Variants in ITPR1 observed in about 807,000 individuals in gnomAD.
ITPR1 encodes inositol 1,4,5-trisphosphate receptor type 1, also known as inositol 1,4,5-trisphosphate-gated calcium channel ITPR1.
ITPR1 carries 96 observed loss-of-function variants against 318.4 expected under a neutral mutation model. That is an observed-to-expected ratio of 0.30 (90% confidence interval 0.26 to 0.36). The LOEUF is 0.36. Ranked by LOEUF, ITPR1 falls within the 10% of genes least tolerant of loss-of-function variation. The pLI, the probability that ITPR1 is intolerant of heterozygous loss-of-function variation, is 1.00. For synonymous variants in ITPR1, 1,312 were observed against 1,289.9 expected, an observed-to-expected ratio of 1.02 and a Z score of -0.37; for missense variants, 2,440 against 3,460.2, an observed-to-expected ratio of 0.71 and a Z score of 7.40.
intron 4 of ITPR1, among the ~76,000 whole-genome samples, chr3:4,617,320 G>C (rs2092425179): frequency 6.6e-6 from 1 of 152,130 alleles, no homozygotes; most frequent in Non-Finnish European, 1.5e-5. Flanking sequence ...CCAATGTCAA[G>C]GTGCCAGCAG....
At chr3:4,730,459 G>T (rs2042850828) in intron 42 of ITPR1, among the ~76,000 whole-genome samples, 1 of 150,382 alleles carries the variant, frequency 6.6e-6, no homozygotes, top group Non-Finnish European at 1.5e-5. Context: ...ATTCTCTTAT[G>T]GGGGAAAATG....
chr3:4,780,928 G>C (rs1000291143), intron 49 of ITPR1, among the ~76,000 whole-genome samples: 2 of 152,234 alleles, frequency 1.3e-5, no homozygotes. Context: ...ACCGGCTCTT[G>C]GGCAGCCCCC....
rs112693174 is a variant in ITPR1 at position 4,657,386 on chromosome 3, GT to G, written c.997-728del. ...GCTCCTGCGGATGGATGTACCTAGA[GT>G]TTTTTTTTTGTTTTTTTTTTTTAAT... On this transcript the variant is annotated intron_variant, in intron 12 of 61. Coordinates refer to ENST00000649015, the MANE Select transcript of ITPR1 (RefSeq NM_001378452.1). Among the ~76,000 whole-genome samples the G allele has an allele frequency of 1.2e-4, 16 of 133,212 alleles. No homozygotes were observed. The South Asian group carries it at 2.3e-3, about 19-fold the overall frequency. The allele number at this position is 133,212 out of a possible 152,430, so 87.4% of individuals were successfully genotyped here. A position where few individuals can be genotyped will look rare whatever the true frequency, so the allele number is the denominator to read the frequency against.
At chr3:4,644,540 A>G (rs1335737413) in intron 8 of ITPR1, among the ~76,000 whole-genome samples, 4 of 152,192 alleles carry the variant, frequency 2.6e-5, no homozygotes, top group Admixed American at 2.0e-4. Context: ...TTTTCTGGCC[A>G]TAGGAGCACC....
chr3:4,677,695 G>C (rs1332961418), intron 24 of ITPR1, among the ~76,000 whole-genome samples: 1 of 152,202 alleles, frequency 6.6e-6, no homozygotes, highest in Non-Finnish European at 1.5e-5. Context: ...GAGAGCGATT[G>C]TTGGTAACAT....
chr3:4,586,430 G>C (rs994167211), intron 4 of ITPR1, among the ~76,000 whole-genome samples: 12 of 151,600 alleles, frequency 7.9e-5, no homozygotes, highest in African/African-American at 2.9e-4. Context: ...TCTGACTCTA[G>C]AAACGGCCTA....
rs982277022 is a variant in ITPR1, at chr3:4,619,868, C to G, written c.164-7895C>G. On this transcript the variant is annotated intron_variant, in intron 4 of 61. Coordinates refer to ENST00000649015, the MANE Select transcript of ITPR1 (RefSeq NM_001378452.1). ...TCCTTCTCTCTTTTCTCTTTTTCCT[C>G]TTCCCCTTCCATTTCTCTTTGTTTT... Among the ~76,000 whole-genome samples the G allele has an allele frequency of 2.1e-5, 3 of 142,954 alleles. No homozygotes were observed. In the Middle Eastern group the frequency reaches 0.011, roughly 537 times the overall value. The allele number at this position is 142,954 out of a possible 152,430, so 93.8% of individuals were successfully genotyped here. A position where few individuals can be genotyped will look rare whatever the true frequency, so the allele number is the denominator to read the frequency against.
intron 49 of ITPR1, among the ~76,000 whole-genome samples, chr3:4,781,388 T>G (rs951699077): frequency 6.6e-6 from 1 of 152,204 alleles, no homozygotes; most frequent in East Asian, 1.9e-4. Flanking sequence ...TGATAAGTGT[T>G]GGCCACACCC....
intron 4 of ITPR1, among the ~76,000 whole-genome samples, chr3:4,588,999 C>A (rs376482446): frequency 1.3e-5 from 2 of 152,146 alleles, no homozygotes; most frequent in African/African-American, 4.8e-5. Flanking sequence ...ACCATTGTTT[C>A]CCAGACTTCT....
chr3:4,637,092 A>G (rs1190491767), intron 5 of ITPR1, among the ~76,000 whole-genome samples: 2 of 152,244 alleles, frequency 1.3e-5, no homozygotes, highest in East Asian at 1.9e-4. Context: ...AGTCCAAGAA[A>G]TGCTACTTAA....
intron 4 of ITPR1, among the ~76,000 whole-genome samples, chr3:4,594,503 C>G (rs1388000327): frequency 6.6e-6 from 1 of 152,100 alleles, no homozygotes; most frequent in Non-Finnish European, 1.5e-5. Flanking sequence ...GCTGCGTGAT[C>G]GATGAGAGCC....
intron 40 of ITPR1, among the ~76,000 whole-genome samples, chr3:4,720,283 C>G (rs917544723): frequency 6.6e-6 from 1 of 152,158 alleles, no homozygotes. Flanking sequence ...CTGTGAGACA[C>G]ATTAGAAAGG....
intron 44 of ITPR1, among the ~76,000 whole-genome samples, chr3:4,747,507 T>C (rs1036164951): frequency 6.6e-6 from 1 of 152,226 alleles, no homozygotes; most frequent in Non-Finnish European, 1.5e-5. Flanking sequence ...AAGTTGTGCC[T>C]CCACATTTTG....
intron 40 of ITPR1, among the ~76,000 whole-genome samples, chr3:4,722,478 C>T (rs541237458): frequency 4.7e-5 from 7 of 148,282 alleles, no homozygotes; most frequent in East Asian, 1.9e-4. Context: ...ATGTAAAAAA[C>T]GTGACAATAA....
intron 5 of ITPR1, among the ~76,000 whole-genome samples, chr3:4,630,846 C>CA (rs1231796826): frequency 1.3e-5 from 2 of 152,074 alleles, no homozygotes; most frequent in Admixed American, 6.6e-5. Flanking sequence ...CTCGGCCTCC[C>CA]AAAGTGCTGG....
At chr3:4,497,064 T>G (rs1389709729) in intron 2 of ITPR1, among the ~76,000 whole-genome samples, 1 of 152,202 alleles carries the variant, frequency 6.6e-6, no homozygotes, top group Non-Finnish European at 1.5e-5. Flanking sequence ...ATGCAGTTTT[T>G]TTTTTTTCCA....
intron 21 of ITPR1, 35 bp downstream of exon 21, chr3:4,673,422 A>T (rs2094125688): frequency 1.3e-6 from 2 of 1,565,586 alleles, no homozygotes; most frequent in South Asian, 2.4e-5. Context: ...ACTTTACATT[A>T]TTCTGTGCGG....
At chr3:4,614,336 G>A (rs77951172) in intron 4 of ITPR1, among the ~76,000 whole-genome samples, 2,439 of 152,320 alleles carry the variant, frequency 0.016, 25 homozygotes, top group Middle Eastern at 0.054. Context: ...TCATTGCAGT[G>A]TGGTCTTCCA....
intron 4 of ITPR1, among the ~76,000 whole-genome samples, chr3:4,623,513 G>T (rs764685041): frequency 6.6e-6 from 1 of 152,034 alleles, no homozygotes; most frequent in African/African-American, 2.4e-5. Flanking sequence ...GCATGCATAC[G>T]CACACATATG....
Sources: allele counts gnomAD v4.1 joint callset (sites outside exome capture counted in the v4.1 genomes callset), GRCh38; gene constraint gnomAD v4.1.1; transcripts MANE v1.5; gene names NCBI Gene and HGNC (gene_info 2026-07-23, HGNC 2026-07-21).